The following SYNE3 variants were observed in gnomAD, a reference collection of about 807,000 sequenced individuals.
SYNE3 encodes nesprin-3.
Under a neutral mutation model 111.2 loss-of-function variants are expected in SYNE3, and 100 were observed. That is an observed-to-expected ratio of 0.90 (90% confidence interval 0.77 to 1.06). The LOEUF is 1.06. SYNE3 is among the 50% of genes least tolerant of loss of function. SYNE3 has a pLI of 0.00. For missense variants in SYNE3, 1,160 were observed against 1,240.3 expected, an observed-to-expected ratio of 0.94 and a Z score of 0.97; for synonymous variants, 547 against 533.9, an observed-to-expected ratio of 1.02 and a Z score of -0.34.
chr14:95,511,550 A>C (rs1890721205), intron 1 of SYNE3, among the ~76,000 whole-genome samples: 1 of 151,376 alleles, frequency 6.6e-6, no homozygotes, highest in Admixed American at 6.6e-5. Context: ...AATACAAAAA[A>C]ATAATAATAA....
At chr14:95,418,078 G>T in intron 17 of SYNE3, 52 bp from the exon 18 acceptor site, 7 of 1,594,574 alleles carry the variant, frequency 4.4e-6, no homozygotes, top group Non-Finnish European at 6.0e-6. Flanking sequence ...CTGGTGGTGG[G>T]GGGCAGGTTC....
chr14:95,414,729 A>ACACACG lies in SYNE3; in HGVS notation c.*3096_*3097insCGTGTG, dbSNP rs1903524792. The ACACACG allele has an allele frequency of 7.2e-6, 1 of 138,212 alleles. No individual in the cohort carries two copies. The highest frequency in any genetic ancestry group is 1.6e-5 in the Non-Finnish European group (1 of 64,098). The allele number at this position is 138,212 out of a possible 1,614,324, so 8.6% of individuals were successfully genotyped here. A position where few individuals can be genotyped will look rare whatever the true frequency, so the allele number is the denominator to read the frequency against. On this transcript the variant is annotated 3_prime_UTR_variant, in exon 18 of 18. Transcript: ENST00000682763. ...CACACACACACACACACACACACAC[A>ACACACG]CACGCCACAGCGCCACCTTTCTCAA...
chr14:95,466,178 C>T lies in SYNE3; in HGVS notation c.380G>A (p.Arg127His), dbSNP rs138444931. ...TGTGACCATCATCTTCTGGAACCAG[C>T]GGTAGAACTCATCTCGGGCCAGCAG... ...EYLLARDEFY[R>H]WFQKMMVTLE... is the part of the protein sequence containing the mutation. The change falls in exon 4 of 18, where the codon CGC (arginine) becomes CAC (histidine). Residue 127 changes from arginine (R) to histidine (H), a missense_variant. Physicochemically the swap from Arg to His is conservative, Grantham distance 29 (BLOSUM62 0). Coordinates refer to ENST00000682763, the MANE Select transcript of SYNE3 (RefSeq NM_152592.6). The T allele has an allele frequency of 2.8e-5, 44 of 1,599,114 alleles. No homozygotes were observed. The highest frequency in any genetic ancestry group is 3.3e-5 in the Non-Finnish European group (39 of 1,167,848).
intron 15 of SYNE3, 26 bp downstream of exon 15, chr14:95,436,794 T>TGAGG (rs770260425): frequency 6.2e-7 from 1 of 1,612,118 alleles, no homozygotes; most frequent in Admixed American, 1.7e-5. Flanking sequence ...ACCTTATGGA[T>TGAGG]GAGGGACCTT....
At chr14:95,496,286 C>G (rs1370451389) in intron 1 of SYNE3, among the ~76,000 whole-genome samples, 2 of 152,226 alleles carry the variant, frequency 1.3e-5, no homozygotes, top group African/African-American at 2.4e-5. Flanking sequence ...CCTGACAAAG[C>G]TCAATGTCTC....
At chr14:95,418,712 T>G (rs1884898477) in intron 17 of SYNE3, among the ~76,000 whole-genome samples, 1 of 151,958 alleles carries the variant, frequency 6.6e-6, no homozygotes, top group Non-Finnish European at 1.5e-5. Context: ...CAATCAATTA[T>G]CTCCCTCAGC....
chr14:95,432,633 C>T (rs1885844803), intron 16 of SYNE3, among the ~76,000 whole-genome samples: 1 of 142,488 alleles, frequency 7.0e-6, no homozygotes, highest in African/African-American at 2.6e-5. Flanking sequence ...ACTAGTTTTG[C>T]TATTATTATT....
intron 4 of SYNE3, among the ~76,000 whole-genome samples, chr14:95,460,941 C>T (rs1887771031): frequency 6.6e-6 from 1 of 152,138 alleles, no homozygotes; most frequent in Non-Finnish European, 1.5e-5. Context: ...CCGGAGAAGT[C>T]CAGGGTAAAT....
At chr14:95,462,220 C>A (rs1252125559) in intron 4 of SYNE3, among the ~76,000 whole-genome samples, 1 of 152,182 alleles carries the variant, frequency 6.6e-6, no homozygotes, top group South Asian at 2.1e-4. Context: ...CCCCTCCCCA[C>A]CTACCCCTCA....
At position 95,452,175 on chromosome 14, in the gene SYNE3, C is replaced by T. The variant is rs879055499; in HGVS notation, c.1274+72G>A. The T allele has an allele frequency of 5.4e-6, 8 of 1,481,848 alleles. No homozygotes were observed. The South Asian group carries it at 7.1e-5, about 13-fold the overall frequency. 91.8% of individuals were successfully genotyped at this position (1,481,848 alleles called of 1,614,324 possible). A position where few individuals can be genotyped will look rare whatever the true frequency, so the allele number is the denominator to read the frequency against. ...ACTATGTTGTAGGAGAAAGCAAGCC[C>T]GCCTTCTGGAGATGGGGAAATGTGG... is the stretch of plus-strand genomic sequence containing the variant. On this transcript the variant is annotated intron_variant, in intron 7 of 17. Transcript: ENST00000682763.
chr14:95,514,753 C>T (rs1890851978), intron 1 of SYNE3, among the ~76,000 whole-genome samples: 1 of 152,252 alleles, frequency 6.6e-6, no homozygotes, highest in African/African-American at 2.4e-5. Context: ...TTCCTAACAG[C>T]TGGACAATGC....
At position 95,440,776 on chromosome 14, in the gene SYNE3, G is replaced by A. The variant is rs80198749; in HGVS notation, c.1912-701C>T. Among the ~76,000 whole-genome samples the A allele has an allele frequency of 6.2e-4, 94 of 152,330 alleles. No individual in the cohort carries two copies. In the East Asian group the frequency reaches 0.017, roughly 27 times the overall value. The stretch of plus-strand genomic sequence containing the variant: ...GAAGTCAGAGCCCCCCTTGAGGGTC[G>A]GGAATGGTGAGCTGGGCATGACCGC... On this transcript the variant is annotated intron_variant, in intron 11 of 17. Transcript: ENST00000682763.
intron 1 of SYNE3, among the ~76,000 whole-genome samples, chr14:95,511,392 T>C (rs1056731428): frequency 1.4e-4 from 21 of 152,262 alleles, no homozygotes; most frequent in Non-Finnish European, 2.8e-4. Context: ...AACTCTCTTC[T>C]GACTTTTTAA....
intron 1 of SYNE3, among the ~76,000 whole-genome samples, chr14:95,510,311 G>A (rs568870628): frequency 1.3e-5 from 2 of 152,208 alleles, no homozygotes; most frequent in African/African-American, 4.8e-5. Context: ...GCTGAGACCT[G>A]GGCCCAGGTC....
At chr14:95,449,504 A>T in intron 8 of SYNE3, 1 of 985,454 alleles carries the variant, frequency 1.0e-6, no homozygotes, top group Non-Finnish European at 1.2e-6. Flanking sequence ...GCTTAGAACT[A>T]CAAAGGGCTT....
chr14:95,410,421 TG>T lies in SYNE3; in HGVS notation c.*7404del, dbSNP rs1903403567. ...CATGTTCCCAGACTCCTTGCAGATG[TG>T]GGGGAAAACATGTGACACAGTCCTG... On this transcript the variant is annotated 3_prime_UTR_variant, in exon 18 of 18. Transcript: ENST00000682763. 6.6e-6 allele frequency: 1 copy of T among 152,102 alleles called. No individual in the cohort carries two copies. Among genetic ancestry groups the T allele is most frequent in the African/African-American group, 2.4e-5 (1 of 41,388 alleles). 9.4% of individuals were successfully genotyped at this position (152,102 alleles called of 1,614,324 possible). A position where few individuals can be genotyped will look rare whatever the true frequency, so the allele number is the denominator to read the frequency against.
intron 14 of SYNE3, chr14:95,438,424 T>G (rs1886220139): frequency 6.5e-6 from 1 of 152,940 alleles, no homozygotes; most frequent in Admixed American, 6.5e-5. Context: ...GTGTGCCCAC[T>G]GAAAAGCTCT....
At chr14:95,480,400 T>C (rs940928958) in intron 1 of SYNE3, among the ~76,000 whole-genome samples, 2 of 152,070 alleles carry the variant, frequency 1.3e-5, no homozygotes, top group South Asian at 4.2e-4. Context: ...AGTGATTTTT[T>C]TTTCATGATG....
intron 1 of SYNE3, among the ~76,000 whole-genome samples, chr14:95,490,654 A>G (rs1889804877): frequency 6.6e-6 from 1 of 152,212 alleles, no homozygotes; most frequent in South Asian, 2.1e-4. Context: ...GCAGAGCCAA[A>G]GGTGTAAGTC....
Sources: gnomAD v4.1 joint callset for allele counts (sites outside exome capture counted in the v4.1 genomes callset) on GRCh38, gnomAD v4.1.1 for gene constraint, MANE v1.5 for transcripts, NCBI Gene and HGNC (gene_info 2026-07-23, HGNC 2026-07-21) for gene names.